MDFIC: variants seen among roughly 807,000 people sequenced by gnomAD.
The protein encoded by MDFIC is MyoD family inhibitor domain containing, also known as myoD family inhibitor domain-containing protein.
MDFIC carries 17 observed loss-of-function variants against 23.2 expected under a neutral mutation model. The observed-to-expected ratio is 0.73, with a 90% CI of 0.50 to 1.10. MDFIC has a LOEUF of 1.10. MDFIC is among the 50% of genes least tolerant of loss of function. The pLI, the probability that MDFIC is intolerant of heterozygous loss-of-function variation, is 0.00. For synonymous variants in MDFIC, 120 were observed against 115.2 expected (o/e 1.04, Z -0.27); for missense variants, 356 against 316.6 (o/e 1.12, Z -0.95).
At chr7:114,926,377 G>T (rs968960362) in intron 2 of MDFIC, among the ~76,000 whole-genome samples, 1 of 152,180 alleles carries the variant, frequency 6.6e-6, no homozygotes, top group African/African-American at 2.4e-5. Flanking sequence ...AACATAAATT[G>T]TATGTCATTG....
intron 3 of MDFIC, among the ~76,000 whole-genome samples, chr7:114,956,938 CTGTT>C (rs1209792310): frequency 6.6e-6 from 1 of 152,124 alleles, no homozygotes; most frequent in Non-Finnish European, 1.5e-5. Context: ...GTATGGCTCT[CTGTT>C]TGGGATAGGG....
At chr7:114,985,243 A>G (rs1793490055) in intron 4 of MDFIC, among the ~76,000 whole-genome samples, 1 of 152,160 alleles carries the variant, frequency 6.6e-6, no homozygotes, top group Non-Finnish European at 1.5e-5. Flanking sequence ...TTGAATTGGT[A>G]CTGCTTAGTG....
intron 4 of MDFIC, among the ~76,000 whole-genome samples, chr7:114,988,832 A>G (rs910906898): frequency 6.6e-6 from 1 of 152,178 alleles, no homozygotes; most frequent in African/African-American, 2.4e-5. Flanking sequence ...ACTTATTCAT[A>G]TTTGTTCTCA....
At chr7:114,961,311 G>C (rs544926426) in intron 3 of MDFIC, among the ~76,000 whole-genome samples, 1 of 152,056 alleles carries the variant, frequency 6.6e-6, no homozygotes, top group Non-Finnish European at 1.5e-5. Flanking sequence ...TTATTCCCTA[G>C]TTCTTTAACT....
rs548125990 is a variant in MDFIC at position 114,930,966 on chromosome 7, T to A, written c.94+7839T>A. On this transcript the variant is annotated intron_variant, in intron 2 of 4. Coordinates refer to ENST00000393486, the MANE Select transcript of MDFIC (RefSeq NM_001166345.3). ...AACTTCAGTGATTCATTGGAGTAGA[T>A]CAAAGAAAGTTGCTGCAGCCCTTCT... 9.5e-4 allele frequency among the ~76,000 whole-genome samples: 145 copies of A among 152,294 alleles called. 1 individual carries two copies. Among genetic ancestry groups the A allele is most frequent in the Middle Eastern group, 3.4e-3 (1 of 294 alleles).
intron 4 of MDFIC, among the ~76,000 whole-genome samples, chr7:114,982,422 G>T (rs1024553593): frequency 1.3e-5 from 2 of 152,064 alleles, no homozygotes; most frequent in African/African-American, 4.8e-5. Flanking sequence ...GGTCAGGTTG[G>T]CTCATATCTA....
rs990985936 is a variant in MDFIC, at chr7:115,016,163, A to G, written c.*228A>G. Reference sequence around the variant, plus strand: ...TTTATAAATTTCTTAATATGTTACAATAACTTAGGGACATTTTGACACCCC... The same window carrying G: ...TTTATAAATTTCTTAATATGTTACAGTAACTTAGGGACATTTTGACACCCC... On this transcript the variant is annotated 3_prime_UTR_variant, in exon 5 of 5. Coordinates refer to ENST00000393486, the MANE Select transcript of MDFIC (RefSeq NM_001166345.3). 1.3e-5 allele frequency: 6 copies of G among 472,910 alleles called. No individual in the cohort carries two copies. The highest frequency in any genetic ancestry group is 1.2e-4 in the African/African-American group (6 of 50,888). The allele number at this position is 472,910 out of a possible 1,614,324, so 29.3% of individuals were successfully genotyped here.
chr7:114,981,660 T>A (rs1044140236), intron 4 of MDFIC, among the ~76,000 whole-genome samples: 2 of 152,246 alleles, frequency 1.3e-5, no homozygotes, highest in African/African-American at 4.8e-5. Context: ...AATTTAAATG[T>A]ATAAACACAT....
chr7:115,014,604 A>G, intron 4 of MDFIC: 4 of 1,100,306 alleles, frequency 3.6e-6, no homozygotes, highest in Non-Finnish European at 4.6e-6. Context: ...AACTTACATT[A>G]TACAAAGTAC....
At chr7:114,959,824 CTAATAA>C (rs56917725) in intron 3 of MDFIC, among the ~76,000 whole-genome samples, 47 of 145,582 alleles carry the variant, frequency 3.2e-4, no homozygotes, top group African/African-American at 4.8e-4. Flanking sequence ...TCTAAATAGA[CTAATAA>C]TAATAATAAT....
At chr7:115,013,678 G>A (rs1252497660) in intron 4 of MDFIC, among the ~76,000 whole-genome samples, 2 of 152,136 alleles carry the variant, frequency 1.3e-5, no homozygotes, top group African/African-American at 4.8e-5. Flanking sequence ...TAATGAAGCT[G>A]GCTGTTTATA....
chr7:115,001,963 C>G (rs925814391), intron 4 of MDFIC, among the ~76,000 whole-genome samples: 1 of 152,024 alleles, frequency 6.6e-6, no homozygotes, highest in East Asian at 1.9e-4. Context: ...ATGGCTAAAC[C>G]CTGTCTGTAC....
At position 114,922,944 on chromosome 7, in the gene MDFIC, C is replaced by A; in HGVS notation, c.-90C>A. 1.3e-6 allele frequency: 2 copies of A among 1,590,614 alleles called. No homozygotes were observed. Among genetic ancestry groups the A allele is most frequent in the Non-Finnish European group, 1.7e-6 (2 of 1,169,216 alleles). ...TCCGCCAGAAGCAGTCAGTTCCCTGCACCCAGCACCTCACAGCCCTTCCTC... is the reference window on the plus strand; with the variant it reads ...TCCGCCAGAAGCAGTCAGTTCCCTGAACCCAGCACCTCACAGCCCTTCCTC... On this transcript the variant is annotated 5_prime_UTR_variant, in exon 2 of 5. Coordinates refer to ENST00000393486, the MANE Select transcript of MDFIC (RefSeq NM_001166345.3).
At chr7:114,930,893 T>C (rs1792295670) in intron 2 of MDFIC, among the ~76,000 whole-genome samples, 1 of 152,242 alleles carries the variant, frequency 6.6e-6, no homozygotes, top group Non-Finnish European at 1.5e-5. Context: ...CAGTTTTTAT[T>C]AAGAGAATAC....
At chr7:114,961,914 A>G (rs1792999650) in intron 3 of MDFIC, among the ~76,000 whole-genome samples, 1 of 151,836 alleles carries the variant, frequency 6.6e-6, no homozygotes, top group Non-Finnish European at 1.5e-5. Context: ...GGTTAATTTC[A>G]CTCTAACTGA....
At chr7:114,994,846 G>T (rs963926696) in intron 4 of MDFIC, among the ~76,000 whole-genome samples, 3 of 152,094 alleles carry the variant, frequency 2.0e-5, no homozygotes, top group African/African-American at 7.2e-5. Flanking sequence ...TCTTCTTGAG[G>T]AGTATCTTTG....
At position 114,964,525 on chromosome 7, in the gene MDFIC, ACTTCCCTTCC is replaced by A. The variant is rs369470623; in HGVS notation, c.218-14961_218-14952del. 1.3e-4 allele frequency among the ~76,000 whole-genome samples: 13 copies of A among 96,316 alleles called. 1 individual carries two copies. Among genetic ancestry groups the A allele is most frequent in the South Asian group, 1.2e-3 (3 of 2,442 alleles). 63.2% of individuals were successfully genotyped at this position (96,316 alleles called of 152,430 possible). A position where few individuals can be genotyped will look rare whatever the true frequency, so the allele number is the denominator to read the frequency against. ...CCTTCCCTTCCCTTTCCTTCCCTTCACTTCCCTTCCCTTCCCTTCCCTTCCCTTCGCTTCC... is the reference window on the plus strand; with the variant it reads ...CCTTCCCTTCCCTTTCCTTCCCTTCACTTCCCTTCCCTTCCCTTCGCTTCC... On this transcript the variant is annotated intron_variant, in intron 3 of 4. Transcript: ENST00000393486.
At position 115,003,340 on chromosome 7, in the gene MDFIC, G is replaced by A. The variant is rs575611722; in HGVS notation, c.494-12348G>A. Among the ~76,000 whole-genome samples the A allele has an allele frequency of 2.0e-5, 3 of 152,230 alleles. No individual in the cohort carries two copies. The South Asian group carries it at 6.2e-4, about 32-fold the overall frequency. ...CCACGCAAACTCCAGATCATGGTCT[G>A]CAGCTGCCTTTTGAACATTTTCATT... On this transcript the variant is annotated intron_variant, in intron 4 of 4. Transcript: ENST00000393486.
intron 4 of MDFIC, among the ~76,000 whole-genome samples, chr7:114,995,785 G>T (rs1360245103): frequency 6.6e-6 from 1 of 152,186 alleles, no homozygotes; most frequent in African/African-American, 2.4e-5. Flanking sequence ...TAGGCTACTT[G>T]GGGATCAGGG....
Sources: allele counts gnomAD v4.1 joint callset (sites outside exome capture counted in the v4.1 genomes callset), GRCh38; gene constraint gnomAD v4.1.1; transcripts MANE v1.5; gene names NCBI Gene and HGNC (gene_info 2026-07-23, HGNC 2026-07-21).